The following RANBP2 variants were observed in gnomAD, a reference collection of about 807,000 sequenced individuals.
RANBP2 encodes the protein RAN binding protein 2.
Under a neutral mutation model 303.6 loss-of-function variants are expected in RANBP2, and 57 were observed. The ratio of observed to expected loss-of-function variants is 0.19; its 90% CI spans 0.15 to 0.23. The LOEUF (loss-of-function observed/expected upper bound fraction) is 0.23. Among genes scored for constraint, RANBP2 ranks in the 10% least tolerant of loss-of-function variants. The pLI is 1.00. For missense variants in RANBP2, 3,138 were observed against 3,780.8 expected (o/e 0.83, Z 4.46); for synonymous variants, 1,167 against 1,301.5 (o/e 0.90, Z 2.23).
chr2:108,815,516 G>C, the RANBP2 span, among the ~76,000 whole-genome samples: 11,719 of 128,776 alleles, frequency 0.091, 657 homozygotes, highest in African/African-American at 0.16. Context: ...GCCCAGATTG[G>C]TGTGCAGTGG....
chr2:109,388,535 G>C, the RANBP2 span, among the ~76,000 whole-genome samples: 1 of 152,226 alleles, frequency 6.6e-6, no homozygotes, highest in African/African-American at 2.4e-5. Flanking sequence ...GTGAGTTACA[G>C]CTCTGTAGAG....
the RANBP2 span, among the ~76,000 whole-genome samples, chr2:109,169,305 C>A: frequency 6.6e-6 from 1 of 151,280 alleles, no homozygotes; most frequent in African/African-American, 2.4e-5. Context: ...TTGCCAAGTT[C>A]ATAGTACCAT....
chr2:109,266,048 A>G, the RANBP2 span, among the ~76,000 whole-genome samples: 1 of 151,344 alleles, frequency 6.6e-6, no homozygotes, highest in Non-Finnish European at 1.5e-5. Flanking sequence ...GGTGTGTTGT[A>G]TGTGCATGTG....
chr2:109,415,700 T>C, the RANBP2 span, among the ~76,000 whole-genome samples: 1,960 of 152,214 alleles, frequency 0.013, 34 homozygotes, highest in African/African-American at 0.044. Context: ...CCTGTCCTCA[T>C]CCCGTGGGGA....
chr2:108,995,853 C>A, the RANBP2 span, among the ~76,000 whole-genome samples: 1 of 152,174 alleles, frequency 6.6e-6, no homozygotes, highest in African/African-American at 2.4e-5. Context: ...GGAGCTCCAA[C>A]CCCTTGTGCA....
chr2:109,679,715 C>A, the RANBP2 span, among the ~76,000 whole-genome samples: 1 of 152,158 alleles, frequency 6.6e-6, no homozygotes, highest in African/African-American at 2.4e-5. Context: ...CCCAGGGCAT[C>A]TTGTTACAAA....
the RANBP2 span, chr2:109,437,160 G>A: frequency 6.2e-7 from 1 of 1,600,312 alleles, no homozygotes; most frequent in Admixed American, 1.7e-5. Context: ...CCTTCACAGG[G>A]GCCTCACCCT....
At chr2:109,614,247 G>T in the RANBP2 span, 3 of 767,914 alleles carry the variant, frequency 3.9e-6, no homozygotes, top group Non-Finnish European at 5.2e-6. Context: ...AGGTGTGGCC[G>T]AGACAGCGGG....
chr2:109,132,165 A>G, the RANBP2 span, among the ~76,000 whole-genome samples: 80,356 of 152,034 alleles, frequency 0.53, 22,111 homozygotes, highest in South Asian at 0.65. Context: ...CTAATATGCC[A>G]TGATAGCAGG....
the RANBP2 span, among the ~76,000 whole-genome samples, chr2:109,287,434 G>C: frequency 1.3e-5 from 2 of 152,136 alleles, no homozygotes; most frequent in African/African-American, 4.8e-5. Context: ...TTTTCTTGAG[G>C]TGCTTAGGTA....
At chr2:108,898,886 CAG>C in the RANBP2 span, among the ~76,000 whole-genome samples, 3 of 152,092 alleles carry the variant, frequency 2.0e-5, no homozygotes, top group African/African-American at 7.2e-5. Flanking sequence ...ATTACTCAAT[CAG>C]AGAAAATAAA....
chr2:108,776,269 C>T (rs929583536), intron 24 of RANBP2, among the ~76,000 whole-genome samples: 30 of 152,212 alleles, frequency 2.0e-4, no homozygotes, highest in African/African-American at 7.0e-4. Context: ...ATTATATTAT[C>T]ACTCAAGCAT....
At position 108,783,829 on chromosome 2, in the gene RANBP2, G is replaced by C; in HGVS notation, c.9603G>C (p.Lys3201Asn). The C allele has an allele frequency of 6.2e-7, 1 of 1,613,096 alleles. No homozygotes were observed. The highest frequency in any genetic ancestry group is 8.5e-7 in the Non-Finnish European group (1 of 1,179,134). Residue 3201 changes from lysine to asparagine, a missense_variant, in exon 29 of 29, where the codon AAG becomes AAC. Transcript: ENST00000283195. ...AGGATGGCATGGATACTGTGAAAAA[G>C]ATTGAATCATTTGGTTCTCCCAAAG... ...FVKDGMDTVKKIESFGSPKGS... is the reference protein window; with the variant it reads ...FVKDGMDTVKNIESFGSPKGS...
At chr2:109,448,243 C>G in the RANBP2 span, among the ~76,000 whole-genome samples, 1 of 152,190 alleles carries the variant, frequency 6.6e-6, no homozygotes. Context: ...TGTTTATGAG[C>G]ATTTTACAAC....
chr2:109,737,116 A>G, the RANBP2 span: 33 of 1,213,816 alleles, frequency 2.7e-5, no homozygotes, highest in Admixed American at 5.6e-5. Flanking sequence ...CTCATACAAA[A>G]TATTCCAGAC....
the RANBP2 span, among the ~76,000 whole-genome samples, chr2:109,562,086 G>GC: frequency 6.6e-6 from 1 of 151,898 alleles, no homozygotes; most frequent in African/African-American, 2.4e-5. Context: ...GGTGGTGCAT[G>GC]CCTATAGTCC....
the RANBP2 span, chr2:109,615,388 T>C: frequency 1.2e-5 from 20 of 1,612,920 alleles, no homozygotes; most frequent in Admixed American, 1.7e-5. Context: ...CGGGACTTCA[T>C]TACCGGCTTC....
downstream of RANBP2, chr2:108,787,002 C>A (rs1389729493): frequency 3.4e-6 from 3 of 889,448 alleles, no homozygotes; most frequent in African/African-American, 5.4e-5. Flanking sequence ...CCTGGGGGCG[C>A]GCAGCGGCTC....
At chr2:109,309,233 G>A in the RANBP2 span, among the ~76,000 whole-genome samples, 21,100 of 119,596 alleles carry the variant, frequency 0.18, 335 homozygotes, top group African/African-American at 0.33. Flanking sequence ...TTTGTCTGTT[G>A]TTGGTGTATA....
Sources: allele counts gnomAD v4.1 joint callset (sites outside exome capture counted in the v4.1 genomes callset), GRCh38; gene constraint gnomAD v4.1.1; transcripts MANE v1.5; gene names NCBI Gene and HGNC (gene_info 2026-07-23, HGNC 2026-07-21).